ZSWIM6: variants seen among roughly 807,000 people sequenced by gnomAD.
The protein encoded by ZSWIM6 is zinc finger SWIM domain-containing protein 6.
In ZSWIM6, 9 loss-of-function variants were observed where a neutral mutation model predicts 113.2. The ratio of observed to expected loss-of-function variants is 0.08; its 90% CI spans 0.05 to 0.14. The LOEUF is 0.14. ZSWIM6 is among the 10% of genes least tolerant of loss of function. The pLI is 1.00. For missense variants in ZSWIM6, 1,162 were observed against 1,552.2 expected (o/e 0.75, Z 4.22); for synonymous variants, 611 against 606.5 (o/e 1.01, Z -0.11).
chr5:61,404,731 C>T (rs1397625811), intron 1 of ZSWIM6, among the ~76,000 whole-genome samples: 1 of 152,148 alleles, frequency 6.6e-6, no homozygotes, highest in East Asian at 1.9e-4. Context: ...GGCTCTGCCC[C>T]ATATTCTCAT....
chr5:61,536,015 C>CA (rs1160101118), intron 10 of ZSWIM6, among the ~76,000 whole-genome samples: 3 of 152,224 alleles, frequency 2.0e-5, no homozygotes, highest in African/African-American at 7.2e-5. Flanking sequence ...GAGACCTTCA[C>CA]ACCTGCTGTA....
chr5:61,380,900 G>A (rs1195360292), intron 1 of ZSWIM6, among the ~76,000 whole-genome samples: 1 of 149,402 alleles, frequency 6.7e-6, no homozygotes, highest in Non-Finnish European at 1.5e-5. Context: ...CAGGAGTTAA[G>A]AAAGCCTGGG....
intron 1 of ZSWIM6, among the ~76,000 whole-genome samples, chr5:61,431,593 AAATT>A (rs1227625816): frequency 6.7e-6 from 1 of 150,348 alleles, no homozygotes; most frequent in Admixed American, 6.7e-5. Context: ...AAAATAAAAA[AAATT>A]AGCCGGGCGT....
chr5:61,368,499 A>C (rs1745204469), intron 1 of ZSWIM6, among the ~76,000 whole-genome samples: 1 of 152,202 alleles, frequency 6.6e-6, no homozygotes. Flanking sequence ...AAGAGAGAAA[A>C]ACCTCTGAGC....
intron 1 of ZSWIM6, among the ~76,000 whole-genome samples, chr5:61,447,290 T>C (rs776677147): frequency 1.6e-4 from 24 of 152,148 alleles, no homozygotes; most frequent in South Asian, 2.1e-4. Context: ...TTCCCATAAC[T>C]GTATCAACAC....
chr5:61,472,762 A>G lies in ZSWIM6; in HGVS notation c.758A>G (p.Asp253Gly). Residue 253 changes from aspartate to glycine, a missense_variant, in exon 2 of 14, where the codon GAT becomes GGT. This residue lies in a region of ZSWIM6 where 96 missense variants were observed against 240.3 expected (regional missense o/e 0.40). Transcript: ENST00000252744. The surrounding 1 kb of genome is among the most constrained non-coding windows in gnomAD (Gnocchi z 4.1). ...ETVCNVAISF[D>G]RCKITSVTCS... ...GTTTGCAACGTGGCCATCAGCTTTG[A>G]TCGTTGCAAGATTACCTCAGTGACC... 1 of 1,551,618 alleles carries G rather than the reference A, an allele frequency of 6.4e-7. No individual in the cohort carries two copies.
At chr5:61,431,110 G>A (rs942132988) in intron 1 of ZSWIM6, among the ~76,000 whole-genome samples, 6 of 151,972 alleles carry the variant, frequency 3.9e-5, no homozygotes, top group Non-Finnish European at 7.4e-5. Flanking sequence ...GGTGGCTCAC[G>A]CCTGTAATCC....
chr5:61,344,418 C>A (rs1259813209), intron 1 of ZSWIM6, among the ~76,000 whole-genome samples: 4 of 152,190 alleles, frequency 2.6e-5, no homozygotes, highest in Non-Finnish European at 5.9e-5. Flanking sequence ...GACTTGAGGG[C>A]AGCAGGTGCG....
intron 1 of ZSWIM6, among the ~76,000 whole-genome samples, chr5:61,398,972 G>T (rs1333592065): frequency 1.4e-5 from 2 of 138,868 alleles, no homozygotes; most frequent in Non-Finnish European, 3.1e-5. Flanking sequence ...ACCCAGGCTG[G>T]AGTGCAGTGG....
chr5:61,531,819 A>G, intron 9 of ZSWIM6, 94 bp downstream of exon 9: 3 of 1,369,520 alleles, frequency 2.2e-6, no homozygotes, highest in Non-Finnish European at 3.0e-6. Flanking sequence ...TGCATTTAAT[A>G]TGGTAGTTAT....
At chr5:61,516,045 CATT>C (rs1361424076) in intron 4 of ZSWIM6, among the ~76,000 whole-genome samples, 3 of 151,470 alleles carry the variant, frequency 2.0e-5, no homozygotes. Context: ...TAATCTATGT[CATT>C]ATATTTACAG....
intron 1 of ZSWIM6, among the ~76,000 whole-genome samples, chr5:61,398,991 C>T (rs924225470): frequency 7.8e-6 from 1 of 127,618 alleles, no homozygotes; most frequent in Non-Finnish European, 1.6e-5. Flanking sequence ...GGTGCGATCT[C>T]TGCTCACTGC....
intron 1 of ZSWIM6, among the ~76,000 whole-genome samples, chr5:61,414,132 A>G (rs139624449): frequency 6.6e-6 from 1 of 152,214 alleles, no homozygotes; most frequent in East Asian, 1.9e-4. Context: ...AGCCATCCTC[A>G]GGGTGCTATT....
intron 1 of ZSWIM6, among the ~76,000 whole-genome samples, chr5:61,441,708 A>C (rs1746838117): frequency 6.6e-6 from 1 of 152,158 alleles, no homozygotes; most frequent in Admixed American, 6.6e-5. Context: ...GTTAAGACTC[A>C]ATTTCTATAT....
At chr5:61,525,239 T>C (rs1435583124) in intron 5 of ZSWIM6, among the ~76,000 whole-genome samples, 2 of 152,230 alleles carry the variant, frequency 1.3e-5, no homozygotes, top group African/African-American at 4.8e-5. Context: ...TAAAGTGATA[T>C]TTAAGCATTA....
At chr5:61,474,280 A>G (rs1331067708) in intron 2 of ZSWIM6, among the ~76,000 whole-genome samples, 1 of 152,202 alleles carries the variant, frequency 6.6e-6, no homozygotes, top group Non-Finnish European at 1.5e-5. Context: ...TTTCACTCAG[A>G]ATCATGTTAA....
At chr5:61,431,206 C>A (rs1277028704) in intron 1 of ZSWIM6, among the ~76,000 whole-genome samples, 1 of 151,498 alleles carries the variant, frequency 6.6e-6, no homozygotes, top group African/African-American at 2.4e-5. Flanking sequence ...CCTGTCTCTA[C>A]TAAAATACAG....
intron 1 of ZSWIM6, among the ~76,000 whole-genome samples, chr5:61,340,193 C>T (rs1038203959): frequency 3.3e-5 from 5 of 152,052 alleles, no homozygotes; most frequent in African/African-American, 7.2e-5. Context: ...AGAGACAATA[C>T]GGTGCAAAAT....
intron 1 of ZSWIM6, among the ~76,000 whole-genome samples, chr5:61,471,330 A>T (rs1561251068): frequency 6.6e-6 from 1 of 152,154 alleles, no homozygotes; most frequent in Non-Finnish European, 1.5e-5. Flanking sequence ...AACTGAATGG[A>T]TGCTCCCCCT....
Sources: allele counts gnomAD v4.1 joint callset (sites outside exome capture counted in the v4.1 genomes callset), GRCh38; gene constraint gnomAD v4.1.1; regional missense constraint gnomAD v4.1.1; non-coding constraint Gnocchi (gnomAD v3.1); transcripts MANE v1.5; gene names NCBI Gene and HGNC (gene_info 2026-07-23, HGNC 2026-07-21).